The following NT5E variants were observed in gnomAD, a reference collection of about 807,000 sequenced individuals.
NT5E encodes the protein 5'-nucleotidase ecto, also known as 5'-nucleotidase.
NT5E carries 53 observed loss-of-function variants against 55.1 expected under a neutral mutation model. The ratio of observed to expected loss-of-function variants is 0.96; its 90% CI spans 0.77 to 1.21. NT5E has a LOEUF of 1.21. NT5E is among the 50% of genes most tolerant of loss of function. NT5E has a pLI of 0.00. For missense variants in NT5E, 683 were observed against 724.3 expected (o/e 0.94, Z 0.65); for synonymous variants, 270 against 278.4 (o/e 0.97, Z 0.30).
Position 85,489,686 on chromosome 6 carries a change from T to G in NT5E, c.1210+87T>G, listed in dbSNP as rs1769744111. The stretch of plus-strand genomic sequence containing the variant: ...ATGGTTCTTGCCCTGAACACACCCA[T>G]GTGCAGCCTCAGTTCATCTCTGCTG... On this transcript the variant is annotated intron_variant, in intron 6 of 8. Transcript: ENST00000257770. 3.3e-6 allele frequency: 3 copies of G among 915,512 alleles called. No individual in the cohort carries two copies. In the African/African-American group the frequency reaches 4.9e-5, roughly 15 times the overall value. The allele number at this position is 915,512 out of a possible 1,614,324, so 56.7% of individuals were successfully genotyped here. A position where few individuals can be genotyped will look rare whatever the true frequency, so the allele number is the denominator to read the frequency against.
intron 1 of NT5E, among the ~76,000 whole-genome samples, chr6:85,460,319 AC>A (rs1025772216): frequency 3.9e-5 from 6 of 152,124 alleles, no homozygotes; most frequent in African/African-American, 1.4e-4. Flanking sequence ...GAGCCTCAGA[AC>A]CCTCCTTATC....
chr6:85,453,307 T>A (rs953088622), intron 1 of NT5E, among the ~76,000 whole-genome samples: 1 of 152,124 alleles, frequency 6.6e-6, no homozygotes, highest in Non-Finnish European at 1.5e-5. Flanking sequence ...TTGCAGAGGT[T>A]TTGTGAGGAA....
At chr6:85,493,339 TTGGGTTCCCAACAGAACA>T (rs763249010) in intron 8 of NT5E, among the ~76,000 whole-genome samples, 26 of 152,120 alleles carry the variant, frequency 1.7e-4, no homozygotes, top group African/African-American at 4.1e-4. Context: ...TAAAATTCTG[TTGGGTTCCCAACAGAACA>T]TGGGTTCCCA....
intron 2 of NT5E, 119 bp downstream of exon 2, chr6:85,467,401 A>G (rs538834686): frequency 2.5e-6 from 2 of 799,136 alleles, no homozygotes; most frequent in African/African-American, 3.4e-5. Context: ...GTGCACTAGA[A>G]TAACACTGAT....
At chr6:85,457,712 G>A (rs1305530993) in intron 1 of NT5E, among the ~76,000 whole-genome samples, 1 of 152,002 alleles carries the variant, frequency 6.6e-6, no homozygotes, top group Non-Finnish European at 1.5e-5. Flanking sequence ...TGAGTCTTTG[G>A]GGCTCATTTA....
At chr6:85,471,959 G>A (rs2127721384) in intron 3 of NT5E, among the ~76,000 whole-genome samples, 1 of 152,278 alleles carries the variant, frequency 6.6e-6, no homozygotes, top group Admixed American at 6.5e-5. Context: ...GTCCTCAGGA[G>A]AGCATGCACT....
chr6:85,486,270 AAC>A (rs1769657468), intron 4 of NT5E, among the ~76,000 whole-genome samples: 4 of 152,334 alleles, frequency 2.6e-5, no homozygotes, highest in South Asian at 2.1e-4. Context: ...TTAGAACAGA[AAC>A]ACAGTCTTTC....
At chr6:85,473,336 T>C (rs983957370) in intron 3 of NT5E, among the ~76,000 whole-genome samples, 1 of 152,160 alleles carries the variant, frequency 6.6e-6, no homozygotes, top group African/African-American at 2.4e-5. Context: ...GTGTAATGAA[T>C]GTATAGGTAA....
intron 2 of NT5E, 98 bp downstream of exon 2, chr6:85,467,380 C>A: frequency 2.0e-6 from 2 of 986,926 alleles, no homozygotes; most frequent in Non-Finnish European, 3.2e-6. Flanking sequence ...GTAGGAACAA[C>A]TGGGTAAATA....
At chr6:85,471,176 A>G (rs866687604) in intron 2 of NT5E, 61 bp from the exon 3 acceptor site, 12 of 1,175,438 alleles carry the variant, frequency 1.0e-5, no homozygotes, top group Non-Finnish European at 1.5e-5. Context: ...GTTAATATGT[A>G]TATTAAGTAA....
At chr6:85,484,591 T>C (rs1562143988) in intron 3 of NT5E, among the ~76,000 whole-genome samples, 1 of 152,164 alleles carries the variant, frequency 6.6e-6, no homozygotes, top group Non-Finnish European at 1.5e-5. Flanking sequence ...AAAAGACACC[T>C]GAAGGGATGC....
At chr6:85,472,858 T>A (rs1769342306) in intron 3 of NT5E, among the ~76,000 whole-genome samples, 1 of 152,130 alleles carries the variant, frequency 6.6e-6, no homozygotes, top group Admixed American at 6.5e-5. Flanking sequence ...CAAACTGAGT[T>A]AAACTGACAG....
Position 85,486,146 on chromosome 6 carries a change from T to G in NT5E, c.949+714T>G, listed in dbSNP as rs372901628. 1.8e-4 allele frequency among the ~76,000 whole-genome samples: 28 copies of G among 152,286 alleles called. No homozygotes were observed. The South Asian group carries it at 5.6e-3, about 31-fold the overall frequency. On this transcript the variant is annotated intron_variant, in intron 4 of 8. Coordinates refer to ENST00000257770, the MANE Select transcript of NT5E (RefSeq NM_002526.4). The stretch of plus-strand genomic sequence containing the variant: ...GTGAGATGGTCACATGGGGATGAAG[T>G]AATTCTTTAACATAACATTTGTATG...
rs142308283 is a variant in NT5E, at chr6:85,485,569, T to C, written c.949+137T>C. 416 of 915,708 alleles carry C rather than the reference T, an allele frequency of 4.5e-4. 2 individuals are homozygous for C. In the African/African-American group the frequency reaches 5.7e-3, roughly 13 times the overall value. The allele number at this position is 915,708 out of a possible 1,614,324, so 56.7% of individuals were successfully genotyped here. ...GAAGAATTTAGTTTCTTCCTTGAGT[T>C]TGCCCTCTTCATGGATAGATTTAAA... On this transcript the variant is annotated intron_variant, in intron 4 of 8. Coordinates refer to ENST00000257770, the MANE Select transcript of NT5E (RefSeq NM_002526.4).
At position 85,487,316 on chromosome 6, in the gene NT5E, C is replaced by T. The variant is rs1254058043; in HGVS notation, c.950-19C>T. ...AGTGTGAGATTTAATTGTAGGGTAC[C>T]TTCTTTTCTTTCTTCTAGATCCAAG... On this transcript the variant is annotated intron_variant, in intron 4 of 8. Transcript: ENST00000257770. The T allele has an allele frequency of 6.2e-7, 1 of 1,608,120 alleles. No individual in the cohort carries two copies. The highest frequency in any genetic ancestry group is 1.3e-5 in the African/African-American group (1 of 74,934).
rs763865837 is a variant in NT5E, at chr6:85,493,831, GT to G, written c.1562-5del. On this transcript the variant is annotated splice_polypyrimidine_tract_variant and intron_variant, in intron 8 of 8. Transcript: ENST00000257770. ...TTTCTGTAGTTAAAATAATGTATAT[GT>G]TTTTCTAGGTGACCAAGATATCAAC... The G allele has an allele frequency of 6.2e-7, 1 of 1,606,770 alleles. No homozygotes were observed. Among genetic ancestry groups the G allele is most frequent in the Admixed American group, 1.7e-5 (1 of 59,992 alleles).
intron 3 of NT5E, among the ~76,000 whole-genome samples, chr6:85,475,878 C>T (rs1449791985): frequency 6.6e-6 from 1 of 152,142 alleles, no homozygotes; most frequent in East Asian, 1.9e-4. Context: ...CCTAGAAAAT[C>T]ATCCATACAT....
At chr6:85,462,858 G>A (rs1769122150) in intron 1 of NT5E, among the ~76,000 whole-genome samples, 1 of 152,226 alleles carries the variant, frequency 6.6e-6, no homozygotes. Context: ...AGCTTAGCCA[G>A]CAGCTTCACA....
chr6:85,454,187 G>A (rs1040218878), intron 1 of NT5E, among the ~76,000 whole-genome samples: 1 of 152,170 alleles, frequency 6.6e-6, no homozygotes, highest in African/African-American at 2.4e-5. Context: ...TATCTTCCTG[G>A]ATGGTCTCAC....
Sources: gnomAD v4.1 joint callset for allele counts (sites outside exome capture counted in the v4.1 genomes callset) on GRCh38, gnomAD v4.1.1 for gene constraint, MANE v1.5 for transcripts, NCBI Gene and HGNC (gene_info 2026-07-23, HGNC 2026-07-21) for gene names.